The following NTNG1 variants were observed in gnomAD, a reference collection of about 807,000 sequenced individuals.
NTNG1 encodes netrin G1.
Under a neutral mutation model 54.0 loss-of-function variants are expected in NTNG1, and 16 were observed. That is an observed-to-expected ratio of 0.30 (90% CI 0.20 to 0.45). NTNG1 has a LOEUF of 0.45. Among genes scored for constraint, NTNG1 ranks in the 20% least tolerant of loss-of-function variants. The pLI, the probability that NTNG1 is intolerant of heterozygous loss-of-function variation, is 1.00. For missense variants in NTNG1, 530 were observed against 678.7 expected (o/e 0.78, Z 2.43); for synonymous variants, 255 against 263.1 (o/e 0.97, Z 0.30).
rs1678679294 is a variant in NTNG1 at position 107,481,015 on chromosome 1, G to A, written c.*175G>A. On this transcript the variant is annotated 3_prime_UTR_variant, in exon 8 of 8. Transcript: ENST00000370068. ...TTTATCACCCGTGGACAGCACATCC[G>A]AGTCAAGACTGTTAATTTCTGACTC... The A allele has an allele frequency of 1.8e-6, 1 of 558,654 alleles. No homozygotes were observed. The highest frequency in any genetic ancestry group is 2.8e-5 in the East Asian group (1 of 35,204). 34.6% of individuals were successfully genotyped at this position (558,654 alleles called of 1,614,324 possible).
At chr1:107,166,760 T>G (rs1482039255) in intron 2 of NTNG1, among the ~76,000 whole-genome samples, 1 of 152,076 alleles carries the variant, frequency 6.6e-6, no homozygotes, top group African/African-American at 2.4e-5. Flanking sequence ...AAAAAGTCAC[T>G]CTTAATAACA....
At chr1:107,252,864 C>T (rs1462503402) in intron 2 of NTNG1, among the ~76,000 whole-genome samples, 2 of 152,170 alleles carry the variant, frequency 1.3e-5, no homozygotes, top group Non-Finnish European at 1.5e-5. Flanking sequence ...GAATATCCCT[C>T]CTATAGCGGC....
At chr1:107,141,584 A>T (rs1413378100) in intron 1 of NTNG1, 1 of 152,126 alleles carries the variant, frequency 6.6e-6, no homozygotes, top group African/African-American at 2.4e-5. Flanking sequence ...GCGGGAGGGA[A>T]GGCTCCGGGT....
chr1:107,390,200 A>G (rs1400878830), intron 3 of NTNG1, among the ~76,000 whole-genome samples: 1 of 152,142 alleles, frequency 6.6e-6, no homozygotes, highest in Non-Finnish European at 1.5e-5. Flanking sequence ...CAGCACAGCA[A>G]TTGTTACACT....
intron 2 of NTNG1, among the ~76,000 whole-genome samples, chr1:107,211,035 C>G (rs981812004): frequency 6.6e-6 from 1 of 152,140 alleles, no homozygotes; most frequent in Non-Finnish European, 1.5e-5. Context: ...GTGCACTGTA[C>G]TCAACTCCTA....
At chr1:107,386,165 A>ATATATT (rs1307492654) in intron 3 of NTNG1, among the ~76,000 whole-genome samples, 33 of 120,710 alleles carry the variant, frequency 2.7e-4, no homozygotes, top group East Asian at 1.9e-3. Flanking sequence ...ATATATATAT[A>ATATATT]TTTTTTTTTT....
intron 7 of NTNG1, among the ~76,000 whole-genome samples, chr1:107,473,815 T>G (rs1439583072): frequency 6.6e-6 from 1 of 152,198 alleles, no homozygotes; most frequent in Non-Finnish European, 1.5e-5. Flanking sequence ...TACAACACCT[T>G]GCTGACTTCA....
chr1:107,472,455 C>T (rs937601063), intron 7 of NTNG1, among the ~76,000 whole-genome samples: 4 of 152,216 alleles, frequency 2.6e-5, no homozygotes, highest in African/African-American at 9.6e-5. Flanking sequence ...ATACAAGCCC[C>T]TCATGTGCAG....
chr1:107,422,868 G>T (rs17465532), intron 5 of NTNG1, among the ~76,000 whole-genome samples: 1 of 151,968 alleles, frequency 6.6e-6, no homozygotes, highest in African/African-American at 2.4e-5. Flanking sequence ...TATTTACAGA[G>T]ACAATTTACT....
intron 6 of NTNG1, among the ~76,000 whole-genome samples, chr1:107,436,154 G>C (rs1675580541): frequency 6.6e-6 from 1 of 152,144 alleles, no homozygotes; most frequent in South Asian, 2.1e-4. Context: ...TCACAAAATG[G>C]TATATGCATG....
At chr1:107,335,933 A>T (rs1668547543) in intron 3 of NTNG1, among the ~76,000 whole-genome samples, 1 of 151,970 alleles carries the variant, frequency 6.6e-6, no homozygotes, top group African/African-American at 2.4e-5. Context: ...CTAATTAAAG[A>T]AGACACAAAT....
chr1:107,360,738 T>C (rs975962434), intron 3 of NTNG1, among the ~76,000 whole-genome samples: 2 of 152,200 alleles, frequency 1.3e-5, no homozygotes, highest in African/African-American at 4.8e-5. Context: ...TAGCAACTAA[T>C]ATGTGCACAT....
intron 5 of NTNG1, among the ~76,000 whole-genome samples, chr1:107,429,062 C>T (rs1302585248): frequency 6.6e-6 from 1 of 152,062 alleles, no homozygotes; most frequent in Non-Finnish European, 1.5e-5. Flanking sequence ...TCACACTCAC[C>T]CTTCTCTCCC....
chr1:107,233,073 G>T (rs563538225), intron 2 of NTNG1, among the ~76,000 whole-genome samples: 1 of 152,168 alleles, frequency 6.6e-6, no homozygotes, highest in East Asian at 1.9e-4. Flanking sequence ...TTTCAAGGTT[G>T]TCTCTAATAT....
chr1:107,275,514 C>T (rs760060801), intron 2 of NTNG1, among the ~76,000 whole-genome samples: 20 of 152,286 alleles, frequency 1.3e-4, no homozygotes, highest in Non-Finnish European at 2.2e-4. Context: ...ATGTGTAGCT[C>T]CAGTCTGAGT....
chr1:107,430,537 GT>G (rs1675194121), intron 5 of NTNG1: 2 of 680,828 alleles, frequency 2.9e-6, no homozygotes, highest in Admixed American at 4.0e-5. Flanking sequence ...CTTCAGTCTT[GT>G]TCCGAATGTC....
chr1:107,281,507 A>C (rs1664858281), intron 2 of NTNG1, among the ~76,000 whole-genome samples: 1 of 152,196 alleles, frequency 6.6e-6, no homozygotes, highest in African/African-American at 2.4e-5. Context: ...CAAATGTGTT[A>C]AGAGTTGTCG....
chr1:107,162,476 T>A (rs1470499297), intron 2 of NTNG1, among the ~76,000 whole-genome samples: 5 of 152,216 alleles, frequency 3.3e-5, no homozygotes, highest in African/African-American at 1.2e-4. Context: ...CTCTATGTAC[T>A]ATGCCTCTTA....
At chr1:107,246,244 G>A (rs370960766) in intron 2 of NTNG1, among the ~76,000 whole-genome samples, 7 of 152,022 alleles carry the variant, frequency 4.6e-5, no homozygotes, top group East Asian at 3.9e-4. Context: ...TAATAGAGAC[G>A]GGGTTTCACC....
Sources: gnomAD v4.1 joint callset for allele counts (sites outside exome capture counted in the v4.1 genomes callset) on GRCh38, gnomAD v4.1.1 for gene constraint, MANE v1.5 for transcripts, NCBI Gene and HGNC (gene_info 2026-07-23, HGNC 2026-07-21) for gene names.